Variants in SAMD3 observed in about 807,000 individuals in gnomAD.
SAMD3 encodes the protein sterile alpha motif domain containing 3.
Under a neutral mutation model 58.5 loss-of-function variants are expected in SAMD3, and 63 were observed. The observed-to-expected ratio is 1.08, with a 90% CI of 0.88 to 1.33. The LOEUF (loss-of-function observed/expected upper bound fraction) is 1.33. Among genes scored for constraint, SAMD3 ranks in the 40% most tolerant of loss-of-function variants. The pLI, the probability that SAMD3 is intolerant of heterozygous loss-of-function variation, is 0.00. For missense variants in SAMD3, 604 were observed against 608.4 expected, an observed-to-expected ratio of 0.99 and a Z score of 0.08; for synonymous variants, 220 against 210.3, an observed-to-expected ratio of 1.05 and a Z score of -0.40.
chr6:130,210,113 C>T (rs1052024825), intron 4 of SAMD3, among the ~76,000 whole-genome samples: 4 of 152,210 alleles, frequency 2.6e-5, no homozygotes, highest in South Asian at 2.1e-4. Flanking sequence ...TGGTGAGCTA[C>T]TCAGTAGCAG....
In SAMD3 at chr6:130,189,373, T is replaced by A. The variant is rs75195659; in HGVS notation, c.384-4750A>T. ...TGAAAAAGAGGGTCCTCAACAGAAA[T>A]GGAAGAGGTCAGTGCCTTGATCTCA... On this transcript the variant is annotated intron_variant, in intron 5 of 11. Coordinates refer to ENST00000439090, the MANE Select transcript of SAMD3 (RefSeq NM_001017373.4). 1.6e-4 allele frequency among the ~76,000 whole-genome samples: 24 copies of A among 152,190 alleles called. 1 individual carries two copies. In the East Asian group the frequency reaches 4.6e-3, roughly 29 times the overall value.
intron 2 of SAMD3, among the ~76,000 whole-genome samples, chr6:130,260,906 T>C (rs1460862240): frequency 6.6e-6 from 1 of 152,194 alleles, no homozygotes; most frequent in Non-Finnish European, 1.5e-5. Flanking sequence ...TTGCCTACTC[T>C]GTTTGAGTGG....
chr6:130,155,252 G>A (rs1177439253), intron 8 of SAMD3, among the ~76,000 whole-genome samples: 1 of 152,160 alleles, frequency 6.6e-6, no homozygotes, highest in Non-Finnish European at 1.5e-5. Context: ...ATCTAAAAGA[G>A]TTACTTTAAT....
At chr6:130,163,136 A>C (rs531267914) in intron 8 of SAMD3, among the ~76,000 whole-genome samples, 31 of 151,302 alleles carry the variant, frequency 2.0e-4, no homozygotes, top group African/African-American at 7.1e-4. Flanking sequence ...CTGTATTTCA[A>C]CTATTTAGTA....
intron 2 of SAMD3, among the ~76,000 whole-genome samples, chr6:130,311,565 T>C (rs1229946771): frequency 6.6e-6 from 1 of 152,150 alleles, no homozygotes; most frequent in African/African-American, 2.4e-5. Context: ...GAAAAAAAAT[T>C]TGTGAAGACA....
At chr6:130,328,100 T>C (rs1313025978) in intron 1 of SAMD3, among the ~76,000 whole-genome samples, 1 of 152,170 alleles carries the variant, frequency 6.6e-6, no homozygotes. Context: ...AGGTTTGAAA[T>C]TCACCTGCTG....
chr6:130,296,520 A>T (rs140629894), intron 2 of SAMD3, among the ~76,000 whole-genome samples: 3 of 152,256 alleles, frequency 2.0e-5, no homozygotes, highest in Non-Finnish European at 4.4e-5. Context: ...GCCTTCCCCG[A>T]TAACTTGTTG....
chr6:130,237,165 G>A (rs971371297), intron 2 of SAMD3, among the ~76,000 whole-genome samples: 1 of 152,178 alleles, frequency 6.6e-6, no homozygotes, highest in African/African-American at 2.4e-5. Flanking sequence ...CAGGAAGAAT[G>A]TGTTGATTAT....
At chr6:130,364,685 C>T (rs1156860459) in intron 1 of SAMD3, among the ~76,000 whole-genome samples, 1 of 151,826 alleles carries the variant, frequency 6.6e-6, no homozygotes, top group Non-Finnish European at 1.5e-5. Context: ...CACCGTAACT[C>T]CTTTAGTTTT....
chr6:130,156,889 T>C (rs894689406), intron 8 of SAMD3, among the ~76,000 whole-genome samples: 2 of 151,986 alleles, frequency 1.3e-5, no homozygotes, highest in African/African-American at 2.4e-5. Flanking sequence ...GCTAACATGG[T>C]GAAACCCTGT....
rs764425951 is a variant in SAMD3, at chr6:130,183,518, C to T, written c.654+585G>A. The stretch of plus-strand genomic sequence containing the variant: ...GGCAAGAAACACTTGATGACAGCTC[C>T]GAAGCAGGTGCAGCCATGTCTTTCT... On this transcript the variant is annotated intron_variant, in intron 7 of 11. Coordinates refer to ENST00000439090, the MANE Select transcript of SAMD3 (RefSeq NM_001017373.4). 35 of 403,880 alleles carry T rather than the reference C, an allele frequency of 8.7e-5. No individual in the cohort carries two copies. In the Middle Eastern group the frequency reaches 1.3e-3, roughly 15 times the overall value. The allele number at this position is 403,880 out of a possible 1,614,324, so 25.0% of individuals were successfully genotyped here.
downstream of SAMD3, among the ~76,000 whole-genome samples, chr6:130,143,565 T>TA (rs1232675168): frequency 2.0e-5 from 3 of 151,746 alleles, no homozygotes; most frequent in East Asian, 1.9e-4. Context: ...TTCTTAAACT[T>TA]AAAAAAAAAT....
chr6:130,247,377 G>A (rs1773584326), intron 2 of SAMD3, among the ~76,000 whole-genome samples: 1 of 151,166 alleles, frequency 6.6e-6, no homozygotes, highest in Non-Finnish European at 1.5e-5. Context: ...TGAGACAGGA[G>A]AATCACTTAA....
chr6:130,293,434 C>G (rs1312080082), intron 2 of SAMD3, among the ~76,000 whole-genome samples: 1 of 152,106 alleles, frequency 6.6e-6, no homozygotes, highest in East Asian at 1.9e-4. Flanking sequence ...TGTTTTCTGG[C>G]TGCATTGCCT....
chr6:130,279,907 C>T (rs750497080), intron 2 of SAMD3, among the ~76,000 whole-genome samples: 13 of 152,160 alleles, frequency 8.5e-5, no homozygotes, highest in Non-Finnish European at 1.6e-4. Flanking sequence ...TTATTATTAC[C>T]TAGTCTTTGA....
At chr6:130,311,530 G>T (rs577381394) in intron 2 of SAMD3, among the ~76,000 whole-genome samples, 1 of 152,172 alleles carries the variant, frequency 6.6e-6, no homozygotes, top group South Asian at 2.1e-4. Context: ...CTGAGACTAA[G>T]AGTAAAGGGA....
At chr6:130,298,854 T>A (rs1378750366) in intron 2 of SAMD3, among the ~76,000 whole-genome samples, 1 of 152,124 alleles carries the variant, frequency 6.6e-6, no homozygotes, top group East Asian at 1.9e-4. Context: ...AAAACAGACT[T>A]TAAAGCAACA....
At chr6:130,167,791 G>T (rs1354222140) in intron 8 of SAMD3, among the ~76,000 whole-genome samples, 1 of 152,270 alleles carries the variant, frequency 6.6e-6, no homozygotes, top group East Asian at 1.9e-4. Flanking sequence ...ATGAGGTCTT[G>T]AGATTGGAAA....
intron 2 of SAMD3, among the ~76,000 whole-genome samples, chr6:130,307,228 G>T (rs1169211468): frequency 6.6e-6 from 1 of 152,234 alleles, no homozygotes; most frequent in African/African-American, 2.4e-5. Context: ...TGTGAGCAAG[G>T]CTCACAAGGG....
Sources: allele counts gnomAD v4.1 joint callset (sites outside exome capture counted in the v4.1 genomes callset), GRCh38; gene constraint gnomAD v4.1.1; transcripts MANE v1.5; gene names NCBI Gene and HGNC (gene_info 2026-07-23, HGNC 2026-07-21).